Variants in DCHS2 observed in about 807,000 individuals in gnomAD.
DCHS2 encodes protocadherin-23.
Under a neutral mutation model 182.4 loss-of-function variants are expected in DCHS2, and 142 were observed. The observed-to-expected ratio is 0.78, with a 90% confidence interval of 0.68 to 0.89. The LOEUF (loss-of-function observed/expected upper bound fraction) is 0.89. Ranked by LOEUF, DCHS2 falls within the 40% of genes least tolerant of loss-of-function variation. The probability of loss-of-function intolerance (pLI) is 0.00; values close to 1 mark genes in which losing one functional copy is unlikely to be tolerated. For synonymous variants in DCHS2, 1,740 were observed against 1,663.3 expected, an observed-to-expected ratio of 1.05 and a Z score of -1.12; for missense variants, 4,319 against 4,198.6, an observed-to-expected ratio of 1.03 and a Z score of -0.79.
intron 2 of DCHS2, among the ~76,000 whole-genome samples, chr4:154,375,353 T>C (rs1299490255): frequency 6.6e-6 from 1 of 152,032 alleles, no homozygotes. Context: ...AGAACTTCTG[T>C]TCCTCAAAAG....
intron 1 of DCHS2, among the ~76,000 whole-genome samples, chr4:154,408,139 A>T (rs1028015128): frequency 2.0e-5 from 3 of 152,236 alleles, no homozygotes; most frequent in Non-Finnish European, 4.4e-5. Flanking sequence ...TATAACTTTA[A>T]AATTAACTTC....
chr4:154,348,247 C>T (rs1729448775), intron 3 of DCHS2, among the ~76,000 whole-genome samples: 1 of 151,818 alleles, frequency 6.6e-6, no homozygotes, highest in South Asian at 2.1e-4. Context: ...AATGCACCAC[C>T]AACAACAGAC....
At chr4:154,464,444 G>GA (rs1478490392) in intron 1 of DCHS2, among the ~76,000 whole-genome samples, 1 of 152,028 alleles carries the variant, frequency 6.6e-6, no homozygotes, top group East Asian at 1.9e-4. Flanking sequence ...TTTTTAAATA[G>GA]AAAAAAATCA....
At chr4:154,247,485 T>C (rs1732129220) in intron 16 of DCHS2, among the ~76,000 whole-genome samples, 1 of 150,710 alleles carries the variant, frequency 6.6e-6, no homozygotes, top group East Asian at 2.0e-4. Context: ...CTACTAAAAA[T>C]ATAAAAATTA....
chr4:154,370,847 T>C (rs1730612417), intron 2 of DCHS2, among the ~76,000 whole-genome samples: 1 of 152,132 alleles, frequency 6.6e-6, no homozygotes, highest in Non-Finnish European at 1.5e-5. Flanking sequence ...GAGAGTTCTA[T>C]TGAATGGGAA....
chr4:154,320,747 T>C lies in DCHS2; in HGVS notation c.4652A>G (p.Glu1551Gly). The C allele has an allele frequency of 6.2e-7, 1 of 1,614,092 alleles. No individual in the cohort carries two copies. The highest frequency in any genetic ancestry group is 8.5e-7 in the Non-Finnish European group (1 of 1,179,998). Residue 1551 changes from glutamate to glycine, a missense_variant, in exon 9 of 20, where the codon GAA (glutamate) becomes GGA (glycine). Transcript: ENST00000357232. Reference sequence around the variant, plus strand: ...TGGATTCGTGCCAGGGTTGTGGGATTCAATGTAGTATTGTATTCTACTGTT... The same window carrying C: ...TGGATTCGTGCCAGGGTTGTGGGATCCAATGTAGTATTGTATTCTACTGTT... ...FLNSRIQYYI[E>G]SHNPGTNPFL... is the part of the protein sequence containing the mutation.
At chr4:154,351,515 T>C (rs1308353892) in intron 3 of DCHS2, among the ~76,000 whole-genome samples, 1 of 152,228 alleles carries the variant, frequency 6.6e-6, no homozygotes, top group Admixed American at 6.5e-5. Flanking sequence ...CAGTTTCTTC[T>C]GAATAGATGC....
intron 2 of DCHS2, among the ~76,000 whole-genome samples, chr4:154,375,039 T>C (rs568335444): frequency 3.3e-5 from 5 of 152,262 alleles, no homozygotes; most frequent in African/African-American, 9.6e-5. Context: ...CCATGACCTA[T>C]GATAAAGCTA....
At chr4:154,384,961 A>G (rs1731337334) in intron 1 of DCHS2, among the ~76,000 whole-genome samples, 1 of 152,010 alleles carries the variant, frequency 6.6e-6, no homozygotes, top group African/African-American at 2.4e-5. Context: ...TTTAGGGTAC[A>G]TGTGCACAAT....
intron 7 of DCHS2, chr4:154,323,027 C>T (rs1250979326): frequency 8.2e-6 from 5 of 609,828 alleles, no homozygotes; most frequent in Non-Finnish European, 1.4e-5. Flanking sequence ...AAAATAAAGT[C>T]CATATATTGC....
chr4:154,449,910 C>T (rs1326275862), intron 1 of DCHS2, among the ~76,000 whole-genome samples: 3 of 152,186 alleles, frequency 2.0e-5, no homozygotes, highest in East Asian at 1.9e-4. Flanking sequence ...AAAATCTTAA[C>T]GTGAGCATCA....
At chr4:154,370,296 T>C (rs1200551993) in intron 2 of DCHS2, among the ~76,000 whole-genome samples, 3 of 152,010 alleles carry the variant, frequency 2.0e-5, no homozygotes, top group Non-Finnish European at 2.9e-5. Context: ...AGTAACCATG[T>C]AGAGAAAAGC....
chr4:154,307,380 T>A (rs1257065952), intron 10 of DCHS2, among the ~76,000 whole-genome samples: 1 of 152,140 alleles, frequency 6.6e-6, no homozygotes, highest in African/African-American at 2.4e-5. Flanking sequence ...TGTGTATATA[T>A]GCCCATACCT....
At chr4:154,307,434 T>TGCGC (rs201899788) in intron 10 of DCHS2, among the ~76,000 whole-genome samples, 1 of 95,406 alleles carries the variant, frequency 1.0e-5, no homozygotes, top group African/African-American at 3.1e-5. Context: ...TACACAGATG[T>TGCGC]GCGCGCGCAC....
intron 1 of DCHS2, among the ~76,000 whole-genome samples, chr4:154,385,389 G>A (rs976673655): frequency 6.6e-6 from 1 of 152,128 alleles, no homozygotes; most frequent in African/African-American, 2.4e-5. Flanking sequence ...AAACATACAT[G>A]TACGTGTGTC....
chr4:154,357,191 G>C (rs749969164), intron 3 of DCHS2: 3 of 1,487,950 alleles, frequency 2.0e-6, no homozygotes, highest in Non-Finnish European at 9.4e-7. Flanking sequence ...TTCTGACTCT[G>C]GCTTTTTTGG....
chr4:154,389,536 A>ATATATAT (rs1485000004), intron 1 of DCHS2, among the ~76,000 whole-genome samples: 4 of 144,506 alleles, frequency 2.8e-5, no homozygotes, highest in South Asian at 2.2e-4. Flanking sequence ...ATATATATAT[A>ATATATAT]ACCTTTTTTT....
At chr4:154,350,764 T>C (rs928462908) in intron 3 of DCHS2, among the ~76,000 whole-genome samples, 30 of 152,250 alleles carry the variant, frequency 2.0e-4, no homozygotes, top group African/African-American at 7.2e-4. Context: ...ATGTATTTTG[T>C]ATATTGGAAA....
intron 1 of DCHS2, among the ~76,000 whole-genome samples, chr4:154,475,318 C>A (rs1735640340): frequency 6.6e-6 from 1 of 152,024 alleles, no homozygotes; most frequent in South Asian, 2.1e-4. Flanking sequence ...ATTTATTAGC[C>A]AATTAAAGTA....
Sources: gnomAD v4.1 joint callset for allele counts (sites outside exome capture counted in the v4.1 genomes callset) on GRCh38, gnomAD v4.1.1 for gene constraint, MANE v1.5 for transcripts, NCBI Gene and HGNC (gene_info 2026-07-23, HGNC 2026-07-21) for gene names.